Variants in AUTS2 observed in about 807,000 individuals in gnomAD.
AUTS2 encodes the protein activator of transcription and developmental regulator AUTS2.
A neutral mutation model predicts 112.4 loss-of-function variants in AUTS2; 17 were observed. That is an observed-to-expected ratio of 0.15 (90% confidence interval 0.10 to 0.23). The LOEUF is 0.23. Among genes scored for constraint, AUTS2 ranks in the 10% least tolerant of loss-of-function variants. AUTS2 has a pLI of 1.00. For missense variants in AUTS2, 1,510 were observed against 1,701.6 expected, an observed-to-expected ratio of 0.89 and a Z score of 1.98; for synonymous variants, 751 against 702.7, an observed-to-expected ratio of 1.07 and a Z score of -1.09.
intron 1 of AUTS2, among the ~76,000 whole-genome samples, chr7:69,870,186 C>A (rs1029282088): frequency 6.6e-6 from 1 of 151,760 alleles, no homozygotes. Flanking sequence ...TATTTGGTCC[C>A]TGCCTTTGTT....
chr7:69,917,949 T>G (rs1795656685), intron 2 of AUTS2, among the ~76,000 whole-genome samples: 1 of 152,008 alleles, frequency 6.6e-6, no homozygotes, highest in African/African-American at 2.4e-5. Flanking sequence ...TTCAAACGAT[T>G]CTTCTGCCTC....
intron 1 of AUTS2, among the ~76,000 whole-genome samples, chr7:69,846,350 G>A (rs980398393): frequency 6.6e-6 from 1 of 152,158 alleles, no homozygotes; most frequent in African/African-American, 2.4e-5. Context: ...GAATTTCTAA[G>A]AACAATATTT....
chr7:70,411,160 C>T (rs1794760552), intron 4 of AUTS2, among the ~76,000 whole-genome samples: 1 of 151,954 alleles, frequency 6.6e-6, no homozygotes, highest in Non-Finnish European at 1.5e-5. Context: ...CCACCGCACC[C>T]AGCCAGAAAT....
intron 5 of AUTS2, chr7:70,437,647 T>G (rs1795949122): frequency 6.6e-6 from 1 of 152,120 alleles, no homozygotes; most frequent in African/African-American, 2.4e-5. Context: ...GAGACCATCC[T>G]GGCTAACACT....
At chr7:69,698,306 T>G (rs1797645493) in intron 1 of AUTS2, among the ~76,000 whole-genome samples, 1 of 152,150 alleles carries the variant, frequency 6.6e-6, no homozygotes, top group Middle Eastern at 3.2e-3. Context: ...AGTGACAGGT[T>G]ATGGTGCTTT....
chr7:70,010,262 C>T (rs1799736450), intron 2 of AUTS2, among the ~76,000 whole-genome samples: 2 of 152,154 alleles, frequency 1.3e-5, no homozygotes, highest in East Asian at 1.9e-4. Flanking sequence ...CCTCCCACCT[C>T]AGCCTCCCAA....
At chr7:70,673,271 G>A (rs75396558) in intron 5 of AUTS2, among the ~76,000 whole-genome samples, 1,571 of 152,316 alleles carry the variant, frequency 0.01, 29 homozygotes, top group African/African-American at 0.036. Context: ...GACCTGGGCA[G>A]AACTGCCCAC....
intron 2 of AUTS2, among the ~76,000 whole-genome samples, chr7:70,111,339 G>C (rs1050476161): frequency 6.6e-6 from 1 of 152,078 alleles, no homozygotes; most frequent in Non-Finnish European, 1.5e-5. Flanking sequence ...ACTATTAACA[G>C]GATGCTGACT....
chr7:70,185,953 A>G (rs1276215898), intron 4 of AUTS2, among the ~76,000 whole-genome samples: 1 of 152,246 alleles, frequency 6.6e-6, no homozygotes, highest in Admixed American at 6.5e-5. Context: ...CATAAAAAAC[A>G]AATAGATCTG....
At chr7:69,982,249 C>T (rs1383529408) in intron 2 of AUTS2, among the ~76,000 whole-genome samples, 1 of 152,106 alleles carries the variant, frequency 6.6e-6, no homozygotes, top group Admixed American at 6.5e-5. Context: ...GCTATATTCT[C>T]TTTCAGAAAG....
chr7:69,619,144 T>TGG (rs1340830383), intron 1 of AUTS2, among the ~76,000 whole-genome samples: 8 of 152,214 alleles, frequency 5.3e-5, no homozygotes, highest in Non-Finnish European at 1.2e-4. Flanking sequence ...TTTTTTAATG[T>TGG]GGTTCTACTT....
intron 2 of AUTS2, among the ~76,000 whole-genome samples, chr7:70,089,922 G>T (rs534222592): frequency 6.6e-6 from 1 of 152,086 alleles, no homozygotes; most frequent in South Asian, 2.1e-4. Context: ...CAGGTGAATT[G>T]CTTGAGCCCA....
intron 4 of AUTS2, among the ~76,000 whole-genome samples, chr7:70,151,908 C>A (rs1314225837): frequency 6.6e-6 from 1 of 152,108 alleles, no homozygotes; most frequent in East Asian, 1.9e-4. Context: ...ATCAGTCAAT[C>A]AGAACTGAAT....
chr7:70,013,803 C>T (rs192923922), intron 2 of AUTS2, among the ~76,000 whole-genome samples: 4 of 152,236 alleles, frequency 2.6e-5, no homozygotes, highest in Admixed American at 6.5e-5. Context: ...CTGCAACCTC[C>T]GCCTCCCGGG....
intron 5 of AUTS2, among the ~76,000 whole-genome samples, chr7:70,605,520 T>TTC (rs978007165): frequency 2.0e-5 from 3 of 147,304 alleles, no homozygotes; most frequent in African/African-American, 7.6e-5. Context: ...TTTCTTTTTT[T>TTC]TTTCTTTCTT....
chr7:70,355,599 G>A (rs760264552), intron 4 of AUTS2, among the ~76,000 whole-genome samples: 3 of 151,976 alleles, frequency 2.0e-5, no homozygotes, highest in African/African-American at 4.8e-5. Flanking sequence ...CAGCTGAGGC[G>A]GCCCCTCTGT....
At chr7:70,202,953 C>T (rs1388427188) in intron 4 of AUTS2, among the ~76,000 whole-genome samples, 1 of 72,462 alleles carries the variant, frequency 1.4e-5, no homozygotes, top group East Asian at 5.0e-4. Context: ...ACCCAAATGT[C>T]CAACAATGAT....
At chr7:70,750,024 T>G (rs1334347706) in intron 6 of AUTS2, among the ~76,000 whole-genome samples, 2 of 152,206 alleles carry the variant, frequency 1.3e-5, no homozygotes, top group Non-Finnish European at 2.9e-5. Flanking sequence ...ACCCTCCTGC[T>G]CTGCAGTGAT....
At chr7:70,234,322 A>G (rs1812207926) in intron 4 of AUTS2, among the ~76,000 whole-genome samples, 2 of 152,300 alleles carry the variant, frequency 1.3e-5, no homozygotes, top group South Asian at 4.2e-4. Context: ...ACTGGCGTTC[A>G]TTGATTGTCA....
Sources: gnomAD v4.1 joint callset for allele counts (sites outside exome capture counted in the v4.1 genomes callset) on GRCh38, gnomAD v4.1.1 for gene constraint, MANE v1.5 for transcripts, NCBI Gene and HGNC (gene_info 2026-07-23, HGNC 2026-07-21) for gene names.